The following OSTN variants were observed in gnomAD, a reference collection of about 807,000 sequenced individuals.
OSTN encodes osteocrin.
Under a neutral mutation model 12.0 loss-of-function variants are expected in OSTN, and 9 were observed. The ratio of observed to expected loss-of-function variants is 0.75; its 90% CI spans 0.45 to 1.30. The LOEUF (loss-of-function observed/expected upper bound fraction) is 1.30. OSTN is among the 50% of genes most tolerant of loss of function. OSTN has a pLI of 0.00. For missense variants in OSTN, 148 were observed against 152.3 expected, an observed-to-expected ratio of 0.97 and a Z score of 0.15; for synonymous variants, 59 against 56.9, an observed-to-expected ratio of 1.04 and a Z score of -0.16.
chr3:191,250,107 A>C lies in OSTN; in HGVS notation c.388A>C (p.Asn130His). ...TCGGATTGGTAGAAACCGGCTTTCA[A>C]ATTCCAGAGGCTAATTGATTCCAAT... The part of the protein sequence containing the change: ...MDRIGRNRLS[N>H]SRG Residue 130 changes from asparagine (N) to histidine (H), a missense_variant, in exon 4 of 5, where the codon AAT (asparagine) becomes CAT (histidine). Transcript: ENST00000682035. 6.2e-7 allele frequency: 1 copy of C among 1,611,820 alleles called. No individual in the cohort carries two copies. Among genetic ancestry groups the C allele is most frequent in the Non-Finnish European group, 8.5e-7 (1 of 1,177,890 alleles).
At chr3:191,262,772 A>G (rs1318654486) in intron 4 of OSTN, 94 bp from the exon 5 acceptor site, 1 of 665,848 alleles carries the variant, frequency 1.5e-6, no homozygotes, top group Admixed American at 2.2e-5. Context: ...GCATGTAATT[A>G]AAGACTTAAC....
chr3:191,256,986 G>A (rs138452515), intron 4 of OSTN, among the ~76,000 whole-genome samples: 23 of 151,842 alleles, frequency 1.5e-4, no homozygotes, highest in African/African-American at 5.1e-4. Flanking sequence ...AATTTGAAAC[G>A]AGCCTTGGCA....
intron 1 of OSTN, among the ~76,000 whole-genome samples, chr3:191,201,481 T>C (rs1488919206): frequency 2.0e-5 from 3 of 152,170 alleles, no homozygotes; most frequent in African/African-American, 7.2e-5. Flanking sequence ...AAATATTATA[T>C]AAAATGGTAT....
At chr3:191,250,925 G>T (rs1230294129) in intron 4 of OSTN, among the ~76,000 whole-genome samples, 1 of 152,096 alleles carries the variant, frequency 6.6e-6, no homozygotes, top group Non-Finnish European at 1.5e-5. Flanking sequence ...TGATGTATAA[G>T]GGTTAAAGGT....
chr3:191,200,355 G>A (rs147859265), intron 1 of OSTN, among the ~76,000 whole-genome samples: 8 of 152,022 alleles, frequency 5.3e-5, no homozygotes, highest in African/African-American at 1.9e-4. Flanking sequence ...TATTTCTCAG[G>A]ATTTTTAACT....
At chr3:191,215,541 TGTTACTTCCTAGATTCAATGGGG>T in intron 2 of OSTN, among the ~76,000 whole-genome samples, 1 of 152,138 alleles carries the variant, frequency 6.6e-6, no homozygotes, top group East Asian at 1.9e-4. Context: ...ATAGCAAGTT[TGTTACTTCCTAGATTCAATGGGG>T]GTACAGACAT....
intron 3 of OSTN, among the ~76,000 whole-genome samples, chr3:191,244,954 G>C (rs1310030343): frequency 1.3e-5 from 2 of 152,116 alleles, no homozygotes; most frequent in Non-Finnish European, 2.9e-5. Flanking sequence ...TTGACCAGTA[G>C]TTTTCACTTA....
intron 4 of OSTN, among the ~76,000 whole-genome samples, chr3:191,253,209 T>C (rs2108553782): frequency 6.6e-6 from 1 of 152,374 alleles, no homozygotes; most frequent in Non-Finnish European, 1.5e-5. Context: ...CTGTGCAGGT[T>C]GATGGATTTA....
intron 3 of OSTN, among the ~76,000 whole-genome samples, chr3:191,235,072 A>C (rs1715156392): frequency 6.6e-6 from 1 of 151,824 alleles, no homozygotes; most frequent in Admixed American, 6.6e-5. Flanking sequence ...AAAGAGAAAA[A>C]CTCCATAAGT....
At chr3:191,211,974 T>C (rs1326699978) in intron 1 of OSTN, among the ~76,000 whole-genome samples, 1 of 152,198 alleles carries the variant, frequency 6.6e-6, no homozygotes, top group Non-Finnish European at 1.5e-5. Flanking sequence ...TATGTAATTT[T>C]TTAATTTTGA....
intron 1 of OSTN, among the ~76,000 whole-genome samples, chr3:191,208,770 C>T (rs1474702688): frequency 6.6e-6 from 1 of 152,226 alleles, no homozygotes; most frequent in Non-Finnish European, 1.5e-5. Flanking sequence ...GCAATTTTCA[C>T]ATTTGAAACC....
intron 4 of OSTN, among the ~76,000 whole-genome samples, chr3:191,255,026 C>T (rs563701295): frequency 3.6e-4 from 55 of 152,228 alleles, no homozygotes; most frequent in African/African-American, 1.1e-3. Flanking sequence ...TTTTCGGCGC[C>T]GGGGACTGGT....
intron 3 of OSTN, among the ~76,000 whole-genome samples, chr3:191,236,559 A>C (rs1715196568): frequency 1.3e-5 from 2 of 152,054 alleles, no homozygotes; most frequent in Non-Finnish European, 2.9e-5. Context: ...AAAAAAAAAA[A>C]CAATCCTTGG....
At chr3:191,230,562 C>CAAAAAAA (rs35542147) in intron 3 of OSTN, among the ~76,000 whole-genome samples, 1 of 36,442 alleles carries the variant, frequency 2.7e-5, no homozygotes, top group Non-Finnish European at 5.7e-5. Flanking sequence ...GACTCCGTCT[C>CAAAAAAA]AAAAAAAAAA....
At chr3:191,240,059 A>G (rs1337235353) in intron 3 of OSTN, among the ~76,000 whole-genome samples, 1 of 152,156 alleles carries the variant, frequency 6.6e-6, no homozygotes, top group Non-Finnish European at 1.5e-5. Context: ...CTCATATTTT[A>G]TTTCTCTACT....
intron 3 of OSTN, among the ~76,000 whole-genome samples, chr3:191,249,749 C>G (rs1046323858): frequency 2.6e-5 from 4 of 152,116 alleles, no homozygotes; most frequent in Non-Finnish European, 4.4e-5. Context: ...TTGGCAGATT[C>G]GTATGCTGAT....
chr3:191,233,660 G>A (rs904550908), intron 3 of OSTN, among the ~76,000 whole-genome samples: 10 of 152,012 alleles, frequency 6.6e-5, no homozygotes, highest in African/African-American at 2.4e-4. Context: ...CTTTTTTCTG[G>A]AAGAATAGTA....
chr3:191,230,691 A>G (rs1234553525), intron 3 of OSTN, among the ~76,000 whole-genome samples: 1 of 152,204 alleles, frequency 6.6e-6, no homozygotes, highest in Non-Finnish European at 1.5e-5. Context: ...TGGGGTCACA[A>G]AGGAATGTTG....
intron 3 of OSTN, among the ~76,000 whole-genome samples, chr3:191,234,247 T>A (rs937325887): frequency 6.6e-6 from 1 of 151,862 alleles, no homozygotes; most frequent in African/African-American, 2.4e-5. Context: ...AATAGGAAAA[T>A]TTGAGGAGGG....
Sources: allele counts gnomAD v4.1 joint callset (sites outside exome capture counted in the v4.1 genomes callset), GRCh38; gene constraint gnomAD v4.1.1; transcripts MANE v1.5; gene names NCBI Gene and HGNC (gene_info 2026-07-23, HGNC 2026-07-21).